CHKA: variants seen among roughly 807,000 people sequenced by gnomAD.
The protein encoded by CHKA is CHETK-alpha.
A neutral mutation model predicts 60.1 loss-of-function variants in CHKA; 34 were observed. The ratio of observed to expected loss-of-function variants is 0.57; its 90% CI spans 0.43 to 0.75. The LOEUF (loss-of-function observed/expected upper bound fraction) is 0.75, where lower values mean the gene tolerates loss of function less well. Ranked by LOEUF, CHKA falls within the 30% of genes least tolerant of loss-of-function variation. The pLI, the probability that CHKA is intolerant of heterozygous loss-of-function variation, is 0.00. For synonymous variants in CHKA, 217 were observed against 223.1 expected, an observed-to-expected ratio of 0.97 and a Z score of 0.24; for missense variants, 563 against 561.3, an observed-to-expected ratio of 1.00 and a Z score of -0.03.
At chr11:68,105,938 G>C (rs984529992) in intron 1 of CHKA, among the ~76,000 whole-genome samples, 1 of 151,838 alleles carries the variant, frequency 6.6e-6, no homozygotes, top group African/African-American at 2.4e-5. Flanking sequence ...AAGTCAAAAT[G>C]ACTAGAAAGA....
chr11:68,095,402 CAAAAAAAA>C (rs35029853), intron 2 of CHKA, among the ~76,000 whole-genome samples: 43 of 12,500 alleles, frequency 3.4e-3, no homozygotes, highest in African/African-American at 0.011. Flanking sequence ...GACTCCATCT[CAAAAAAAA>C]AAAAAAAAAA....
chr11:68,110,029 A>G (rs1196542380), intron 1 of CHKA, among the ~76,000 whole-genome samples: 2 of 152,184 alleles, frequency 1.3e-5, no homozygotes, highest in Non-Finnish European at 2.9e-5. Flanking sequence ...TCACATGATC[A>G]TATCAATAGA....
intron 3 of CHKA, among the ~76,000 whole-genome samples, 163 bp downstream of exon 3, chr11:68,081,241 C>T (rs545908831): frequency 6.6e-6 from 1 of 152,302 alleles, no homozygotes; most frequent in East Asian, 1.9e-4. Flanking sequence ...ACTCAGTCTC[C>T]GTAAGGTGGC....
intron 8 of CHKA, among the ~76,000 whole-genome samples, 200 bp downstream of exon 8, chr11:68,066,229 G>A (rs573931818): frequency 5.3e-5 from 8 of 152,212 alleles, no homozygotes; most frequent in East Asian, 1.9e-4. Context: ...CCCAACTAGC[G>A]CTGTCTGCTA....
chr11:68,056,668 G>C (rs570796775), intron 11 of CHKA, among the ~76,000 whole-genome samples: 1 of 152,184 alleles, frequency 6.6e-6, no homozygotes, highest in African/African-American at 2.4e-5. Context: ...CCTGTGCTGG[G>C]AATCCTTTCA....
At chr11:68,120,759 C>T in intron 1 of CHKA, 69 bp downstream of exon 1, 1 of 670,436 alleles carries the variant, frequency 1.5e-6, no homozygotes, top group Non-Finnish European at 1.9e-6. Context: ...GCCCCCTGCC[C>T]GGACCCCGCC....
At chr11:68,061,583 C>A in intron 11 of CHKA, 2 of 364,016 alleles carry the variant, frequency 5.5e-6, no homozygotes, top group South Asian at 4.1e-5. Context: ...AGGAGCCACC[C>A]ACTCTTCTTC....
intron 1 of CHKA, among the ~76,000 whole-genome samples, chr11:68,119,482 T>C (rs1858520561): frequency 6.6e-6 from 1 of 152,156 alleles, no homozygotes; most frequent in African/African-American, 2.4e-5. Flanking sequence ...TTCTTTGTTT[T>C]TGTTTTTTTG....
intron 2 of CHKA, among the ~76,000 whole-genome samples, chr11:68,087,077 T>C (rs1190080064): frequency 1.3e-5 from 2 of 152,182 alleles, no homozygotes; most frequent in Non-Finnish European, 2.9e-5. Flanking sequence ...TGAGCTGCTG[T>C]GAGACAGATT....
Position 68,120,839 on chromosome 11 carries a change from G to A in CHKA, c.339C>T (p.Ile113=). The A allele has an allele frequency of 7.6e-7, 1 of 1,323,328 alleles. No homozygotes were observed. The highest frequency in any genetic ancestry group is 9.8e-7 in the Non-Finnish European group (1 of 1,019,634). The allele number at this position is 1,323,328 out of a possible 1,614,324, so 82.0% of individuals were successfully genotyped here. A position where few individuals can be genotyped will look rare whatever the true frequency, so the allele number is the denominator to read the frequency against. The change falls in exon 1 of 12, where the codon ATC becomes ATT. Residue 113 remains isoleucine (I), a synonymous_variant. Transcript: ENST00000265689. ...WRGLREDEFH[I]SVIRGGLSNM... is the part of the protein sequence containing the mutation. ...CCGGCGCCACCGACCTGATGACACT[G>A]ATGTGGAACTCGTCCTCGCGGAGGC...
At chr11:68,086,658 A>C (rs1356103345) in intron 2 of CHKA, among the ~76,000 whole-genome samples, 2 of 152,220 alleles carry the variant, frequency 1.3e-5, no homozygotes, top group Non-Finnish European at 2.9e-5. Flanking sequence ...AAAGCGGCAT[A>C]AAGAAAGTGT....
chr11:68,060,449 T>TACA (rs2134495955), intron 11 of CHKA, among the ~76,000 whole-genome samples: 1 of 152,288 alleles, frequency 6.6e-6, no homozygotes, highest in East Asian at 1.9e-4. Context: ...TACCTGGGAT[T>TACA]ACAGGCATGT....
chr11:68,062,281 T>C (rs998390710), intron 10 of CHKA, among the ~76,000 whole-genome samples: 1 of 152,242 alleles, frequency 6.6e-6, no homozygotes, highest in African/African-American at 2.4e-5. Flanking sequence ...GGCCTGGCCA[T>C]GGCACACGTA....
At chr11:68,084,380 GTATATATA>G (rs1177501088) in intron 2 of CHKA, among the ~76,000 whole-genome samples, 1 of 113,444 alleles carries the variant, frequency 8.8e-6, no homozygotes, top group Non-Finnish European at 1.8e-5. Flanking sequence ...ACGTATATGT[GTATATATA>G]TACACACATA....
chr11:68,093,173 A>G (rs1366608456), intron 2 of CHKA, among the ~76,000 whole-genome samples: 1 of 151,898 alleles, frequency 6.6e-6, no homozygotes, highest in Non-Finnish European at 1.5e-5. Context: ...ACGCCCAGCT[A>G]TTTTTTTATA....
chr11:68,113,411 A>C (rs1858254208), intron 1 of CHKA, among the ~76,000 whole-genome samples: 1 of 152,098 alleles, frequency 6.6e-6, no homozygotes, highest in African/African-American at 2.4e-5. Flanking sequence ...AAAATAAGAT[A>C]CCTGACTGGG....
In CHKA at chr11:68,121,117, T is replaced by C. The variant is rs2153034831; in HGVS notation, c.61A>G (p.Ser21Gly). The C allele has an allele frequency of 8.4e-7, 1 of 1,191,194 alleles. No individual in the cohort carries two copies. 73.8% of individuals were successfully genotyped at this position (1,191,194 alleles called of 1,614,324 possible). Reference protein sequence around the residue: ...AEPSPLGLLLSCGSGSAAPAP... With the variant: ...AEPSPLGLLLGCGSGSAAPAP... ...GGGGCCGCGCTGCCGCTACCGCAGCTCAGCAGCAGCCCGAGCGGCGAGGGC... is the reference window on the plus strand; with the variant it reads ...GGGGCCGCGCTGCCGCTACCGCAGCCCAGCAGCAGCCCGAGCGGCGAGGGC... Residue 21 changes from serine to glycine, a missense_variant, in exon 1 of 12, where the codon AGC becomes GGC. Coordinates refer to ENST00000265689, the MANE Select transcript of CHKA (RefSeq NM_001277.3).
chr11:68,069,640 C>T (rs1370940449), intron 6 of CHKA, among the ~76,000 whole-genome samples: 5 of 150,690 alleles, frequency 3.3e-5, no homozygotes, highest in East Asian at 3.9e-4. Flanking sequence ...GTCAAGATCG[C>T]GCCACTGCAC....
chr11:68,063,635 C>T (rs1856331442), intron 10 of CHKA, among the ~76,000 whole-genome samples: 1 of 152,168 alleles, frequency 6.6e-6, no homozygotes, highest in African/African-American at 2.4e-5. Context: ...TGGTTTGGCT[C>T]TGTCTCCCCA....
Sources: gnomAD v4.1 joint callset for allele counts (sites outside exome capture counted in the v4.1 genomes callset) on GRCh38, gnomAD v4.1.1 for gene constraint, MANE v1.5 for transcripts, NCBI Gene and HGNC (gene_info 2026-07-23, HGNC 2026-07-21) for gene names.